Variants in PDZD2 observed in about 807,000 individuals in gnomAD.
PDZD2 encodes the protein PDZ domain containing 2, also known as PDZ domain-containing protein 2.
PDZD2 carries 90 observed loss-of-function variants against 220.7 expected under a neutral mutation model. The ratio of observed to expected loss-of-function variants is 0.41; its 90% CI spans 0.34 to 0.49. The LOEUF is 0.49. PDZD2 is among the 20% of genes least tolerant of loss of function. The probability of loss-of-function intolerance (pLI) is 0.28; values close to 1 mark genes in which losing one functional copy is unlikely to be tolerated. For synonymous variants in PDZD2, 1,375 were observed against 1,450.5 expected (o/e 0.95, Z 1.18); for missense variants, 3,174 against 3,608.5 (o/e 0.88, Z 3.08).
chr5:31,996,601 G>C (rs1751657475), intron 4 of PDZD2, among the ~76,000 whole-genome samples: 1 of 152,120 alleles, frequency 6.6e-6, no homozygotes, highest in South Asian at 2.1e-4. Flanking sequence ...CCAGGTACTT[G>C]GGAGGCTGAG....
intron 2 of PDZD2, among the ~76,000 whole-genome samples, chr5:31,860,470 CTG>C (rs1299803665): frequency 3.9e-5 from 6 of 152,184 alleles, no homozygotes; most frequent in African/African-American, 1.4e-4. Context: ...CTCCTGTTCT[CTG>C]TATCTTTGAG....
chr5:31,990,331 G>T (rs1439529304), intron 3 of PDZD2, among the ~76,000 whole-genome samples: 1 of 152,154 alleles, frequency 6.6e-6, no homozygotes, highest in Non-Finnish European at 1.5e-5. Flanking sequence ...GTGAACTCAC[G>T]CAGTAATTGG....
chr5:31,786,125 CT>C, intron 1 of PDZD2, among the ~76,000 whole-genome samples: 1 of 152,294 alleles, frequency 6.6e-6, no homozygotes, highest in Admixed American at 6.5e-5. Context: ...ACAGCAAGGC[CT>C]GGGAAATGGG....
rs1020386893 is a variant in PDZD2 at position 31,819,742 on chromosome 5, G to A, written c.476+20018G>A. ...ATGAGTATATGTAATGGATACATTC[G>A]TAGAAGTGGGATCCTCAAATGAATC... On this transcript the variant is annotated intron_variant, in intron 2 of 24. Coordinates refer to ENST00000438447, the MANE Select transcript of PDZD2 (RefSeq NM_178140.4). Among the ~76,000 whole-genome samples, 4 of 151,264 alleles carry A rather than the reference G, an allele frequency of 2.6e-5. No homozygotes were observed. The East Asian group carries it at 7.8e-4, about 29-fold the overall frequency.
At chr5:31,733,547 G>C (rs1749661337) in intron 1 of PDZD2, among the ~76,000 whole-genome samples, 1 of 152,170 alleles carries the variant, frequency 6.6e-6, no homozygotes, top group East Asian at 1.9e-4. Context: ...CAGACAATGA[G>C]TCTATTCTGG....
Position 32,048,613 on chromosome 5 carries a change from A to G in PDZD2, c.1594A>G (p.Met532Val), listed in dbSNP as rs561926039. 5.0e-6 allele frequency: 8 copies of G among 1,614,058 alleles called. No individual in the cohort carries two copies. The East Asian group carries it at 1.8e-4, about 36-fold the overall frequency. Reference protein sequence around the residue: ...MVRNGDPRIRMLEVSRDGRKH... With the variant: ...MVRNGDPRIRVLEVSRDGRKH... ...GCGGAATGGGGACCCCCGGATCCGG[A>G]TGTTGGAGGTCTCCCGAGATGGCCG... Residue 532 changes from methionine to valine, a missense_variant, in exon 8 of 25, where the codon ATG becomes GTG. Coordinates refer to ENST00000438447, the MANE Select transcript of PDZD2 (RefSeq NM_178140.4).
intron 6 of PDZD2, among the ~76,000 whole-genome samples, chr5:32,032,395 C>T (rs752459590): frequency 6.6e-6 from 1 of 152,160 alleles, no homozygotes; most frequent in Non-Finnish European, 1.5e-5. Context: ...TCAGTGGCCA[C>T]GTCGGTCACT....
At chr5:31,950,499 TA>T (rs752685074) in intron 2 of PDZD2, among the ~76,000 whole-genome samples, 11 of 152,202 alleles carry the variant, frequency 7.2e-5, no homozygotes, top group Non-Finnish European at 1.5e-4. Context: ...TTGAGTTGAG[TA>T]TTTTTTTATT....
chr5:32,084,018 T>C (rs374446670), intron 19 of PDZD2, among the ~76,000 whole-genome samples: 7 of 152,224 alleles, frequency 4.6e-5, no homozygotes, highest in African/African-American at 1.4e-4. Context: ...TCCCCTCCTT[T>C]TGTGTCATTG....
intron 7 of PDZD2, among the ~76,000 whole-genome samples, chr5:32,041,021 G>C (rs1294212405): frequency 1.8e-3 from 277 of 150,368 alleles, no homozygotes; most frequent in Non-Finnish European, 3.3e-3. Context: ...CCCCGTCTGG[G>C]AGGTGAGGGG....
rs1308634042 is a variant in PDZD2 at position 31,751,256 on chromosome 5, A to AG, written c.-360-47633_-360-47632insG. ...AAGTACATCTCCAAAAAAAAAAAAA[A>AG]AGAGAGTGGCATGATTAAATTGACC... is the stretch of plus-strand genomic sequence containing the variant. On this transcript the variant is annotated intron_variant, in intron 1 of 24. Coordinates refer to ENST00000438447, the MANE Select transcript of PDZD2 (RefSeq NM_178140.4). Among the ~76,000 whole-genome samples, 16 of 120,634 alleles carry AG rather than the reference A, an allele frequency of 1.3e-4. No homozygotes were observed. The South Asian group carries it at 1.5e-3, about 11-fold the overall frequency. The allele number at this position is 120,634 out of a possible 152,430, so 79.1% of individuals were successfully genotyped here.
chr5:32,019,259 A>T (rs777994002), intron 6 of PDZD2, among the ~76,000 whole-genome samples: 3 of 148,786 alleles, frequency 2.0e-5, no homozygotes, highest in Non-Finnish European at 3.0e-5. Flanking sequence ...CTCCCACCTC[A>T]GCCTCCTGAG....
At position 31,646,641 on chromosome 5, in the gene PDZD2, A is replaced by G. The variant is rs988594732; in HGVS notation, c.-361+7204A>G. On this transcript the variant is annotated intron_variant, in intron 1 of 24. Coordinates refer to ENST00000438447, the MANE Select transcript of PDZD2 (RefSeq NM_178140.4). The surrounding 1 kb of genome is among the most constrained non-coding windows in gnomAD (Gnocchi z 4.7). The stretch of plus-strand genomic sequence containing the variant: ...CCCTCTTTCTGGCACAGTGTGTTTT[A>G]TGGAGATTTGGGTAAAACTAGATTG... Among the ~76,000 whole-genome samples, 1 of 152,094 alleles carries G rather than the reference A, an allele frequency of 6.6e-6. No homozygotes were observed. The highest frequency in any genetic ancestry group is 1.5e-5 in the Non-Finnish European group (1 of 68,026).
At chr5:32,054,782 GCTTTAAACA>G (rs1309745881) in intron 10 of PDZD2, among the ~76,000 whole-genome samples, 1 of 152,052 alleles carries the variant, frequency 6.6e-6, no homozygotes, top group African/African-American at 2.4e-5. Flanking sequence ...ATTTTATAGT[GCTTTAAACA>G]CTTAAAAAGC....
chr5:31,740,682 T>G (rs1750205490), intron 1 of PDZD2, among the ~76,000 whole-genome samples: 1 of 152,158 alleles, frequency 6.6e-6, no homozygotes, highest in South Asian at 2.1e-4. Flanking sequence ...GTCTATGATC[T>G]TGGCTATTGT....
intron 1 of PDZD2, among the ~76,000 whole-genome samples, chr5:31,718,694 A>ATTTTT (rs34261021): frequency 9.4e-4 from 70 of 74,632 alleles, no homozygotes; most frequent in African/African-American, 1.1e-3. Flanking sequence ...TAACAGCCTC[A>ATTTTT]TTTTTTTTTT....
At chr5:31,744,860 G>T (rs1750492928) in intron 1 of PDZD2, among the ~76,000 whole-genome samples, 1 of 151,988 alleles carries the variant, frequency 6.6e-6, no homozygotes, top group South Asian at 2.1e-4. Flanking sequence ...CTTGAGGTCA[G>T]GAGATTGAGA....
intron 1 of PDZD2, among the ~76,000 whole-genome samples, chr5:31,755,851 G>A (rs565356517): frequency 8.5e-5 from 13 of 152,160 alleles, no homozygotes; most frequent in South Asian, 4.2e-4. Flanking sequence ...GAGGAGGAGC[G>A]GGGCCAAGCA....
chr5:31,912,166 C>T (rs2150369571), intron 2 of PDZD2, among the ~76,000 whole-genome samples: 1 of 152,238 alleles, frequency 6.6e-6, no homozygotes, highest in East Asian at 1.9e-4. Context: ...AACTTATTTC[C>T]CATAGTCTAG....
Sources: allele counts gnomAD v4.1 joint callset (sites outside exome capture counted in the v4.1 genomes callset), GRCh38; gene constraint gnomAD v4.1.1; non-coding constraint Gnocchi (gnomAD v3.1); transcripts MANE v1.5; gene names NCBI Gene and HGNC (gene_info 2026-07-23, HGNC 2026-07-21).